The following MAGI2 variants were observed in gnomAD, a reference collection of about 807,000 sequenced individuals.
MAGI2 encodes membrane associated guanylate kinase, WW and PDZ domain containing 2.
Under a neutral mutation model 133.3 loss-of-function variants are expected in MAGI2, and 35 were observed. That is an observed-to-expected ratio of 0.26 (90% CI 0.20 to 0.35). MAGI2 has a LOEUF of 0.35. Among genes scored for constraint, MAGI2 ranks in the 10% least tolerant of loss-of-function variants. MAGI2 has a pLI of 1.00. For synonymous variants in MAGI2, 729 were observed against 710.6 expected (o/e 1.03, Z -0.41); for missense variants, 1,636 against 1,863.4 (o/e 0.88, Z 2.25).
intron 1 of MAGI2, among the ~76,000 whole-genome samples, chr7:79,014,303 TATG>T (rs1808466933): frequency 6.6e-6 from 1 of 152,158 alleles, no homozygotes; most frequent in Admixed American, 6.5e-5. Flanking sequence ...TTCCTATAGT[TATG>T]ATATTTCCTT....
intron 7 of MAGI2, among the ~76,000 whole-genome samples, chr7:78,361,526 T>C (rs978466359): frequency 4.6e-5 from 7 of 152,200 alleles, no homozygotes; most frequent in Admixed American, 3.9e-4. Flanking sequence ...CCTTTGCTTT[T>C]TATTATTGGC....
At chr7:79,176,151 A>C (rs780891165) in intron 1 of MAGI2, among the ~76,000 whole-genome samples, 18 of 152,016 alleles carry the variant, frequency 1.2e-4, no homozygotes, top group Non-Finnish European at 7.3e-5. Flanking sequence ...TGATTACTTC[A>C]TATTGCATAT....
chr7:78,561,574 G>A (rs1316751841), intron 3 of MAGI2, among the ~76,000 whole-genome samples: 3 of 151,540 alleles, frequency 2.0e-5, no homozygotes, highest in African/African-American at 4.9e-5. Flanking sequence ...TAGGAAAGAA[G>A]ACTTTAGACC....
At chr7:78,937,960 G>A (rs1000662102) in intron 2 of MAGI2, among the ~76,000 whole-genome samples, 2 of 152,108 alleles carry the variant, frequency 1.3e-5, no homozygotes, top group Non-Finnish European at 2.9e-5. Flanking sequence ...ATGTTGCAGA[G>A]TTTTCAAGAA....
At chr7:78,948,826 G>T (rs1373115364) in intron 2 of MAGI2, among the ~76,000 whole-genome samples, 1 of 151,960 alleles carries the variant, frequency 6.6e-6, no homozygotes, top group Non-Finnish European at 1.5e-5. Context: ...ATATCACATT[G>T]ATAGTTTATT....
intron 2 of MAGI2, among the ~76,000 whole-genome samples, chr7:78,749,867 CATTT>C (rs1317194442): frequency 1.3e-5 from 2 of 152,136 alleles, no homozygotes; most frequent in African/African-American, 4.8e-5. Flanking sequence ...TTTCTTCATT[CATTT>C]AAGAAATACA....
chr7:78,799,576 G>A (rs142860313), intron 2 of MAGI2, among the ~76,000 whole-genome samples: 260 of 152,202 alleles, frequency 1.7e-3, no homozygotes, highest in African/African-American at 5.8e-3. Flanking sequence ...TTCCACTTGG[G>A]ACCCTCTTCT....
At chr7:78,279,450 C>T (rs202187112) in intron 9 of MAGI2, among the ~76,000 whole-genome samples, 2 of 151,120 alleles carry the variant, frequency 1.3e-5, no homozygotes, top group African/African-American at 2.4e-5. Context: ...GTTTTAGACA[C>T]AATTATTTAG....
chr7:78,861,461 A>G (rs139178952), intron 2 of MAGI2, among the ~76,000 whole-genome samples: 17 of 152,252 alleles, frequency 1.1e-4, no homozygotes, highest in African/African-American at 4.1e-4. Flanking sequence ...TTCATTATTT[A>G]TGTCACTTTC....
rs552577875 is a variant in MAGI2, at chr7:78,818,509, T to C, written c.418+188581A>G. ...TTGTTGATGAGTTTAATAAAGTAAT[T>C]ATAAAATTCATTAATTTATTTCATT... On this transcript the variant is annotated intron_variant, in intron 2 of 21. Coordinates refer to ENST00000354212, the MANE Select transcript of MAGI2 (RefSeq NM_012301.4). Among the ~76,000 whole-genome samples the C allele has an allele frequency of 4.0e-4, 61 of 152,320 alleles. 4 individuals carry two copies. In the South Asian group the frequency reaches 0.011, roughly 26 times the overall value.
intron 6 of MAGI2, among the ~76,000 whole-genome samples, chr7:78,421,103 T>C (rs1798751993): frequency 6.6e-6 from 1 of 152,192 alleles, no homozygotes. Flanking sequence ...TGGAAACTGT[T>C]GTTGCAAACA....
Position 78,160,076 on chromosome 7 carries a change from C to A in MAGI2, c.2794G>T (p.Gly932Cys). 1 of 1,605,536 alleles carries A rather than the reference C, an allele frequency of 6.2e-7. No individual in the cohort carries two copies. The highest frequency in any genetic ancestry group is 1.7e-5 in the Admixed American group (1 of 59,372). Residue 932 changes from glycine (G) to cysteine (C), a missense_variant, in exon 16 of 22, where the codon GGC becomes TGC. By Grantham distance (159) the Gly-to-Cys change is radical. Coordinates refer to ENST00000354212, the MANE Select transcript of MAGI2 (RefSeq NM_012301.4). ...TTCAGGGAGCTGATGATGACAAAGC[C>A]GAAGCCCTCATTCTCTTTGCGGTGA... ...VIHRKENEGF[G>C]FVIISSLNRP...
chr7:78,159,955 G>A (rs906218825), intron 16 of MAGI2, 70 bp downstream of exon 16: 11 of 1,489,684 alleles, frequency 7.4e-6, no homozygotes, highest in Middle Eastern at 1.9e-4. Flanking sequence ...ATACTTGTCC[G>A]GTATCTGTAT....
intron 2 of MAGI2, among the ~76,000 whole-genome samples, chr7:78,633,197 C>G (rs1291493163): frequency 1.3e-5 from 2 of 152,138 alleles, no homozygotes; most frequent in Non-Finnish European, 2.9e-5. Context: ...ATGGTGAGAA[C>G]TTAGGAACAC....
chr7:78,283,466 A>C (rs1795833735), intron 9 of MAGI2, among the ~76,000 whole-genome samples: 1 of 152,012 alleles, frequency 6.6e-6, no homozygotes, highest in African/African-American at 2.4e-5. Flanking sequence ...TATTAACCTG[A>C]ATAAGTAAAT....
At chr7:79,159,374 T>C (rs551713766) in intron 1 of MAGI2, among the ~76,000 whole-genome samples, 15 of 151,734 alleles carry the variant, frequency 9.9e-5, no homozygotes, top group South Asian at 8.3e-4. Flanking sequence ...AAAATTAGCC[T>C]GGCATGGTGG....
chr7:78,651,895 A>T (rs570681969), intron 2 of MAGI2, among the ~76,000 whole-genome samples: 7 of 152,216 alleles, frequency 4.6e-5, no homozygotes, highest in African/African-American at 1.4e-4. Flanking sequence ...AAGAGAAAAG[A>T]AAAAAAGCCT....
intron 3 of MAGI2, among the ~76,000 whole-genome samples, chr7:78,612,816 C>A (rs981509636): frequency 3.3e-5 from 5 of 151,824 alleles, no homozygotes; most frequent in Admixed American, 2.0e-4. Flanking sequence ...ACTACAGGCG[C>A]CCGCCACCAC....
chr7:78,616,115 C>T (rs1014148528), intron 3 of MAGI2: 2 of 152,084 alleles, frequency 1.3e-5, no homozygotes, highest in African/African-American at 4.8e-5. Flanking sequence ...CTAATAAATC[C>T]CAAGTCCCAC....
Sources: gnomAD v4.1 joint callset for allele counts (sites outside exome capture counted in the v4.1 genomes callset) on GRCh38, gnomAD v4.1.1 for gene constraint, MANE v1.5 for transcripts, NCBI Gene and HGNC (gene_info 2026-07-23, HGNC 2026-07-21) for gene names.